FEZ2: variants seen among roughly 807,000 people sequenced by gnomAD.
The protein encoded by FEZ2 is fasciculation and elongation protein zeta 2, also known as fasciculation and elongation protein zeta-2.
In FEZ2, 51 loss-of-function variants were observed where a neutral mutation model predicts 40.4. The observed-to-expected ratio is 1.26, with a 90% CI of 1.01 to 1.59. FEZ2 has a LOEUF of 1.59. Among genes scored for constraint, FEZ2 ranks in the 40% most tolerant of loss-of-function variants. The pLI is 0.00. For synonymous variants in FEZ2, 242 were observed against 172.0 expected (o/e 1.41, Z -3.18); for missense variants, 640 against 438.3 (o/e 1.46, Z -4.11).
intron 1 of FEZ2, chr2:36,591,391 G>C (rs1365387360): frequency 5.8e-6 from 1 of 171,224 alleles, no homozygotes; most frequent in Non-Finnish European, 1.2e-5. Context: ...TGAAGAAACT[G>C]AAACACAGGG....
chr2:36,597,780 A>G (rs1010648478), intron 1 of FEZ2, 97 bp downstream of exon 1: 6 of 940,826 alleles, frequency 6.4e-6, no homozygotes, highest in Non-Finnish European at 7.0e-6. Context: ...GTCCGGGCGG[A>G]AGGAGGGCGC....
chr2:36,578,805 A>C lies in FEZ2; in HGVS notation c.695T>G (p.Ile232Ser), dbSNP rs1012063094. ...NEILEEIETA[I>S]KEYSEELVQQ... ...CACCAGCTCCTCAGAGTACTCCTTA[A>C]TGGCAGTCTCAATTTCTTCCAGGAT... The change falls in exon 5 of 8, where the codon ATT becomes AGT. Residue 232 changes from isoleucine to serine, a missense_variant. Physicochemically the swap from Ile to Ser is moderately radical, Grantham distance 142. Transcript: ENST00000405912. 6.2e-7 allele frequency: 1 copy of C among 1,613,532 alleles called. No homozygotes were observed. Among genetic ancestry groups the C allele is most frequent in the Non-Finnish European group, 8.5e-7 (1 of 1,179,698 alleles).
chr2:36,559,444 A>C (rs1450050013), intron 5 of FEZ2, among the ~76,000 whole-genome samples: 1 of 152,164 alleles, frequency 6.6e-6, no homozygotes, highest in Admixed American at 6.5e-5. Flanking sequence ...GCTAATCCTC[A>C]CTGAGTGATC....
intron 5 of FEZ2, chr2:36,558,796 G>A (rs1188890573): frequency 3.9e-5 from 9 of 233,608 alleles, no homozygotes; most frequent in African/African-American, 6.7e-5. Context: ...GTCTGAGGAT[G>A]GTTTACTCAA....
chr2:36,553,273 G>GTAA, intron 7 of FEZ2, 94 bp from the exon 8 acceptor site: 1 of 959,150 alleles, frequency 1.0e-6, no homozygotes, highest in Non-Finnish European at 1.6e-6. Flanking sequence ...AAACCATTAA[G>GTAA]TAATGAGAAC....
chr2:36,560,831 T>C, intron 5 of FEZ2: 1 of 1,611,442 alleles, frequency 6.2e-7, no homozygotes, highest in Non-Finnish European at 8.5e-7. Flanking sequence ...GAGGCCATTC[T>C]GAATGACATT....
chr2:36,581,659 G>T, intron 3 of FEZ2: 1 of 451,652 alleles, frequency 2.2e-6, no homozygotes, highest in South Asian at 3.2e-5. Context: ...AATAGAATTG[G>T]ATTTACTACG....
At position 36,558,462 on chromosome 2, in the gene FEZ2, C is replaced by A; in HGVS notation, c.955G>T (p.Glu319Ter). Residue 319 changes from glutamate to a stop codon, truncating the protein, a stop_gained, in exon 6 of 8, where the codon GAA becomes TAA. Transcript: ENST00000405912. LOFTEE classifies it high-confidence loss of function. ...YEKKNGPPSV[E>*]DLQILTKILR... Reference sequence around the variant, plus strand: ...CTTTTTGTTAATATTTGAAGATCTTCAACAGACGGTGGTCCGTTTTTTTTC... The same window carrying A: ...CTTTTTGTTAATATTTGAAGATCTTAAACAGACGGTGGTCCGTTTTTTTTC... 6.5e-7 allele frequency: 1 copy of A among 1,527,958 alleles called. No homozygotes were observed. 94.7% of individuals were successfully genotyped at this position (1,527,958 alleles called of 1,614,324 possible). A position where few individuals can be genotyped will look rare whatever the true frequency, so the allele number is the denominator to read the frequency against.
intron 5 of FEZ2, 53 bp downstream of exon 5, chr2:36,578,544 C>T: frequency 6.4e-7 from 1 of 1,562,742 alleles, no homozygotes; most frequent in Non-Finnish European, 8.6e-7. Context: ...AAGGCTGGGA[C>T]TACCACAGAA....
intron 5 of FEZ2, among the ~76,000 whole-genome samples, chr2:36,567,572 G>A (rs1026282840): frequency 6.6e-6 from 1 of 152,066 alleles, no homozygotes; most frequent in Admixed American, 6.5e-5. Context: ...GACCAGCCTG[G>A]CCAACCTGGT....
rs200037065 is a variant in FEZ2 at position 36,583,331 on chromosome 2, TTG to T, written c.492+20_492+21del. On this transcript the variant is annotated intron_variant, in intron 3 of 7. Coordinates refer to ENST00000405912, the MANE Select transcript of FEZ2 (RefSeq NM_005102.3). Reference sequence around the variant, plus strand: ...AGCTCTAGAGTCTCCTTTCCTTGCGTTGCTGAGGATCTCCTCTATACCTGGTC... The same window carrying T: ...AGCTCTAGAGTCTCCTTTCCTTGCGTCTGAGGATCTCCTCTATACCTGGTC... 0.025 allele frequency: 31,777 copies of T among 1,270,862 alleles called. 744 individuals carry two copies. The highest frequency in any genetic ancestry group is 0.092 in the South Asian group (7,665 of 83,508). The allele number at this position is 1,270,862 out of a possible 1,614,324, so 78.7% of individuals were successfully genotyped here. A position where few individuals can be genotyped will look rare whatever the true frequency, so the allele number is the denominator to read the frequency against.
At chr2:36,573,072 C>T (rs1233151487) in intron 5 of FEZ2, among the ~76,000 whole-genome samples, 4 of 152,134 alleles carry the variant, frequency 2.6e-5, no homozygotes, top group Admixed American at 1.3e-4. Flanking sequence ...GGTTGACTGA[C>T]GCAGTTATGC....
chr2:36,558,577 A>C, intron 5 of FEZ2, 64 bp from the exon 6 acceptor site: 1 of 901,898 alleles, frequency 1.1e-6, no homozygotes, highest in South Asian at 1.8e-5. Context: ...AAAAAATTTG[A>C]TACTGTTACT....
chr2:36,570,148 T>C (rs552134853), intron 5 of FEZ2, among the ~76,000 whole-genome samples: 6 of 152,178 alleles, frequency 3.9e-5, no homozygotes, highest in South Asian at 2.1e-4. Context: ...AAAAGTAATA[T>C]CTTGTTTTAA....
intron 2 of FEZ2, among the ~76,000 whole-genome samples, chr2:36,586,352 G>A (rs764223535): frequency 3.3e-5 from 5 of 152,072 alleles, no homozygotes; most frequent in African/African-American, 4.8e-5. Flanking sequence ...AAATTAATCC[G>A]GGGTGGGCAC....
At chr2:36,577,110 G>A (rs1668595855) in intron 5 of FEZ2, among the ~76,000 whole-genome samples, 1 of 152,162 alleles carries the variant, frequency 6.6e-6, no homozygotes, top group Non-Finnish European at 1.5e-5. Context: ...TTCTAGGATT[G>A]TATATTCAAA....
chr2:36,589,794 T>G (rs1669012800), intron 2 of FEZ2: 1 of 152,232 alleles, frequency 6.6e-6, no homozygotes, highest in Admixed American at 6.5e-5. Context: ...TGATCACATA[T>G]GTAAGAAAAT....
rs1669278853 is a variant in FEZ2, at chr2:36,597,860, C to T, written c.266+17G>A. The T allele has an allele frequency of 1.5e-6, 2 of 1,333,934 alleles. No homozygotes were observed. The highest frequency in any genetic ancestry group is 6.2e-5 in the East Asian group (2 of 32,014). The allele number at this position is 1,333,934 out of a possible 1,614,324, so 82.6% of individuals were successfully genotyped here. A position where few individuals can be genotyped will look rare whatever the true frequency, so the allele number is the denominator to read the frequency against. On this transcript the variant is annotated intron_variant, in intron 1 of 7. Transcript: ENST00000405912. Reference sequence around the variant, plus strand: ...GGGGAGGCTCCCGCCCACTCCCGGCCGGGGCCCCGCACTCACTCGTCCCCC... The same window carrying T: ...GGGGAGGCTCCCGCCCACTCCCGGCTGGGGCCCCGCACTCACTCGTCCCCC...
intron 7 of FEZ2, among the ~76,000 whole-genome samples, chr2:36,553,820 A>G (rs1320225677): frequency 1.3e-5 from 2 of 152,132 alleles, no homozygotes; most frequent in Non-Finnish European, 2.9e-5. Context: ...AAACCACCCA[A>G]AAAAGGGGAA....
Sources: gnomAD v4.1 joint callset for allele counts (sites outside exome capture counted in the v4.1 genomes callset) on GRCh38, gnomAD v4.1.1 for gene constraint, MANE v1.5 for transcripts, NCBI Gene and HGNC (gene_info 2026-07-23, HGNC 2026-07-21) for gene names.